The following NOL4L variants were observed in gnomAD, a reference collection of about 807,000 sequenced individuals.
NOL4L encodes the protein nucleolar protein 4-like.
NOL4L carries 7 observed loss-of-function variants against 64.5 expected under a neutral mutation model. The ratio of observed to expected loss-of-function variants is 0.11; its 90% CI spans 0.06 to 0.20. NOL4L has a LOEUF of 0.20. NOL4L is among the 10% of genes least tolerant of loss of function. NOL4L has a pLI of 1.00. For missense variants in NOL4L, 680 were observed against 967.1 expected, an observed-to-expected ratio of 0.70 and a Z score of 3.94; for synonymous variants, 413 against 401.0, an observed-to-expected ratio of 1.03 and a Z score of -0.36.
rs568400342 is a variant in NOL4L at position 32,478,900 on chromosome 20, T to A, written c.700-4158A>T. ...CCTGGCTGCGACAGCAAATTTTTTT[T>A]AAGTGAGAAATCAAGTCTATTAAGC... On this transcript the variant is annotated intron_variant, in intron 4 of 10. Coordinates refer to ENST00000621426, the MANE Select transcript of NOL4L (RefSeq NM_001256798.2). Among the ~76,000 whole-genome samples the A allele has an allele frequency of 3.8e-4, 58 of 152,332 alleles. 1 individual carries two copies. In the South Asian group the frequency reaches 0.011, roughly 30 times the overall value.
chr20:32,540,300 C>T lies in NOL4L; in HGVS notation c.322-12387G>A, dbSNP rs549761226. Among the ~76,000 whole-genome samples the T allele has an allele frequency of 2.0e-4, 30 of 152,388 alleles. 1 individual carries two copies. The South Asian group carries it at 6.0e-3, about 30-fold the overall frequency. On this transcript the variant is annotated intron_variant, in intron 1 of 10. Transcript: ENST00000621426. ...ACACACAGTCAGTCTGACAGAGCCA[C>T]TGTGGCCACTGGGCATTTGGGCAAG... is the stretch of plus-strand genomic sequence containing the variant.
chr20:32,481,579 C>G (rs376511989), intron 4 of NOL4L, among the ~76,000 whole-genome samples: 2 of 152,336 alleles, frequency 1.3e-5, no homozygotes, highest in East Asian at 3.9e-4. Flanking sequence ...GCAGTGAGCT[C>G]TGTTCCCACT....
intron 4 of NOL4L, among the ~76,000 whole-genome samples, chr20:32,484,176 T>C (rs545936316): frequency 6.6e-6 from 1 of 152,156 alleles, no homozygotes; most frequent in Non-Finnish European, 1.5e-5. Flanking sequence ...TCGACCCCCA[T>C]GCGTCTTTCG....
intron 1 of NOL4L, among the ~76,000 whole-genome samples, chr20:32,540,921 G>A (rs1026390289): frequency 6.6e-6 from 1 of 151,164 alleles, no homozygotes; most frequent in Non-Finnish European, 1.5e-5. Context: ...GGAAACCGAG[G>A]CTCAGAGAAG....
chr20:32,559,871 G>A (rs977472037), intron 1 of NOL4L, among the ~76,000 whole-genome samples: 1 of 152,226 alleles, frequency 6.6e-6, no homozygotes, highest in African/African-American at 2.4e-5. Context: ...GCCCAGGCCT[G>A]CCCAGGCCCT....
chr20:32,545,949 TC>T (rs2018726581), intron 1 of NOL4L, among the ~76,000 whole-genome samples: 2 of 142,152 alleles, frequency 1.4e-5, no homozygotes, highest in African/African-American at 3.0e-5. Context: ...TTCTTTCTTT[TC>T]TTTTTTTTTT....
At chr20:32,491,154 G>C (rs1234209716) in intron 4 of NOL4L, among the ~76,000 whole-genome samples, 1 of 152,240 alleles carries the variant, frequency 6.6e-6, no homozygotes, top group Non-Finnish European at 1.5e-5. Context: ...CAGCAGGGGA[G>C]AGAGAGATTA....
intron 4 of NOL4L, among the ~76,000 whole-genome samples, chr20:32,485,997 T>C (rs1357930599): frequency 6.6e-6 from 1 of 152,230 alleles, no homozygotes; most frequent in African/African-American, 2.4e-5. Flanking sequence ...GCAGTGATTT[T>C]CTGTAGGCAT....
At chr20:32,541,234 A>G (rs1031503105) in intron 1 of NOL4L, among the ~76,000 whole-genome samples, 3 of 152,170 alleles carry the variant, frequency 2.0e-5, no homozygotes, top group African/African-American at 7.2e-5. Context: ...GGCACACAGT[A>G]GGCACTCGAC....
At chr20:32,493,176 G>A (rs978489408) in intron 4 of NOL4L, among the ~76,000 whole-genome samples, 2 of 152,224 alleles carry the variant, frequency 1.3e-5, no homozygotes, top group Non-Finnish European at 1.5e-5. Context: ...TCCGGCAGGT[G>A]AGGAGAGGTA....
At chr20:32,521,887 A>G (rs2017951434) in intron 2 of NOL4L, among the ~76,000 whole-genome samples, 1 of 152,126 alleles carries the variant, frequency 6.6e-6, no homozygotes. Flanking sequence ...CCTCTCCACT[A>G]AGGGGCAGCA....
At chr20:32,499,753 A>AAT (rs2016842978) in intron 4 of NOL4L, among the ~76,000 whole-genome samples, 1 of 151,816 alleles carries the variant, frequency 6.6e-6, no homozygotes, top group Non-Finnish European at 1.5e-5. Flanking sequence ...AAAAAAAAAA[A>AAT]AAAAAAAGGA....
chr20:32,538,595 G>A (rs2018597575), intron 1 of NOL4L, among the ~76,000 whole-genome samples: 3 of 152,146 alleles, frequency 2.0e-5, no homozygotes, highest in African/African-American at 4.8e-5. Flanking sequence ...GGAGGGGTGG[G>A]GGGAGACTGC....
intron 5 of NOL4L, among the ~76,000 whole-genome samples, chr20:32,473,152 G>C (rs2015139865): frequency 6.6e-6 from 1 of 152,144 alleles, no homozygotes; most frequent in South Asian, 2.1e-4. Context: ...ATGAGTAGGG[G>C]GACCATGGTC....
intron 4 of NOL4L, among the ~76,000 whole-genome samples, chr20:32,491,007 C>T (rs1417969867): frequency 6.6e-6 from 1 of 152,196 alleles, no homozygotes; most frequent in Non-Finnish European, 1.5e-5. Context: ...ATGCCTTTGA[C>T]CACACATGTT....
Position 32,527,763 on chromosome 20 carries a change from G to A in NOL4L, c.472C>T (p.Arg158Ter), listed in dbSNP as rs1198586243. The A allele has an allele frequency of 1.3e-6, 2 of 1,546,744 alleles. No homozygotes were observed. ...CAAAGAGACAGAAATCTCACCGCTCGGTAGGTTTTCTTCTGCCCAGCGTGC... is the reference window on the plus strand; with the variant it reads ...CAAAGAGACAGAAATCTCACCGCTCAGTAGGTTTTCTTCTGCCCAGCGTGC... ...PKHAGQKKTY[R>*]AIAETYAFLP... Residue 158 changes from arginine to a stop codon, truncating the protein, a stop_gained, in exon 2 of 11, where the codon CGA (arginine) becomes TGA (stop). Transcript: ENST00000621426. LOFTEE classifies it high-confidence loss of function.
rs2145445438 is a variant in NOL4L, at chr20:32,460,260, A to G, written c.842-3865T>C. 6.6e-6 allele frequency among the ~76,000 whole-genome samples: 1 copy of G among 152,290 alleles called. No individual in the cohort carries two copies. The highest frequency in any genetic ancestry group is 1.9e-4 in the East Asian group (1 of 5,186). ...CCCTTTGCCCTAGTTTATAGGCTCT[A>G]TCTGCCATTATCTCATTTTCTCATG... On this transcript the variant is annotated intron_variant, in intron 5 of 10. Transcript: ENST00000621426. This position sits in a 1 kb window ranked among gnomAD's most constrained non-coding sequence, Gnocchi z 5.7.
intron 10 of NOL4L, 79 bp from the exon 11 acceptor site, chr20:32,447,895 CAT>C (rs1469263420): frequency 1.3e-6 from 2 of 1,496,660 alleles, no homozygotes; most frequent in Middle Eastern, 2.5e-4. Context: ...TTGGCACTGT[CAT>C]AACCTATGGC....
At chr20:32,580,381 ATTACGCGGTGCT>A (rs956070939) in intron 1 of NOL4L, among the ~76,000 whole-genome samples, 3 of 152,224 alleles carry the variant, frequency 2.0e-5, no homozygotes, top group African/African-American at 7.2e-5. Flanking sequence ...CACAGCACAT[ATTACGCGGTGCT>A]AAGTCAGAGG....
Sources: gnomAD v4.1 joint callset for allele counts (sites outside exome capture counted in the v4.1 genomes callset) on GRCh38, gnomAD v4.1.1 for gene constraint, Gnocchi (gnomAD v3.1) non-coding constraint, MANE v1.5 for transcripts, NCBI Gene and HGNC (gene_info 2026-07-23, HGNC 2026-07-21) for gene names.